Variants in ANXA8 observed in about 807,000 individuals in gnomAD.
ANXA8 encodes the protein annexin A8.
ANXA8 carries 9 observed loss-of-function variants against 26.8 expected under a neutral mutation model. The observed-to-expected ratio is 0.34, with a 90% CI of 0.20 to 0.59. The LOEUF is 0.59. ANXA8 is among the 20% of genes least tolerant of loss of function. The pLI, the probability that ANXA8 is intolerant of heterozygous loss-of-function variation, is 0.84. For synonymous variants in ANXA8, 39 were observed against 94.8 expected, an observed-to-expected ratio of 0.41 and a Z score of 3.42; for missense variants, 83 against 238.5, an observed-to-expected ratio of 0.35 and a Z score of 4.29.
At chr10:47,599,614 A>G in the ANXA8 span, 1 of 145,552 alleles carries the variant, frequency 6.9e-6, no homozygotes, top group Non-Finnish European at 1.5e-5. Context: ...CTTTCAAATT[A>G]AACAGTCAAA....
At chr10:47,696,139 G>A in the ANXA8 span, among the ~76,000 whole-genome samples, 40 of 151,916 alleles carry the variant, frequency 2.6e-4, no homozygotes, top group Non-Finnish European at 4.6e-4. Flanking sequence ...GTAAATAAAA[G>A]CTATTAAACC....
chr10:47,939,636 A>G, the ANXA8 span, among the ~76,000 whole-genome samples: 1 of 145,042 alleles, frequency 6.9e-6, no homozygotes, highest in South Asian at 2.2e-4. Context: ...GTGCAAGTCC[A>G]AAGCAAAATA....
At chr10:47,705,449 T>C in the ANXA8 span, among the ~76,000 whole-genome samples, 1 of 132,352 alleles carries the variant, frequency 7.6e-6, no homozygotes, top group Non-Finnish European at 1.6e-5. Flanking sequence ...TAACATGGTA[T>C]GCAAATGCTT....
At chr10:47,744,272 G>T in the ANXA8 span, among the ~76,000 whole-genome samples, 1 of 150,070 alleles carries the variant, frequency 6.7e-6, no homozygotes, top group East Asian at 2.0e-4. Flanking sequence ...GGTAATATGT[G>T]ATAATGACAG....
At chr10:47,591,601 GC>G in the ANXA8 span, among the ~76,000 whole-genome samples, 4,595 of 144,146 alleles carry the variant, frequency 0.032, 799 homozygotes, top group African/African-American at 0.12. Context: ...CCGCCACCAG[GC>G]CCGGCTAATT....
the ANXA8 span, among the ~76,000 whole-genome samples, chr10:47,585,609 C>T: frequency 6.8e-5 from 10 of 146,696 alleles, 1 homozygote; most frequent in South Asian, 6.5e-4. Context: ...AGGGAGGAAA[C>T]GGGACACAAG....
the ANXA8 span, among the ~76,000 whole-genome samples, chr10:47,957,060 C>T: frequency 6.6e-6 from 1 of 150,412 alleles, no homozygotes; most frequent in African/African-American, 2.5e-5. Flanking sequence ...ACCCAGTATC[C>T]TGGGCTGCAG....
chr10:47,705,863 G>A, the ANXA8 span, among the ~76,000 whole-genome samples: 7 of 151,260 alleles, frequency 4.6e-5, no homozygotes, highest in Non-Finnish European at 8.8e-5. Context: ...TTTTCTGGGG[G>A]CATCGCGGCG....
the ANXA8 span, chr10:47,491,785 C>G: frequency 7.0e-7 from 1 of 1,432,922 alleles, no homozygotes; most frequent in Non-Finnish European, 9.6e-7. Flanking sequence ...CTCACCCCAG[C>G]CCAGTAGGAG....
the ANXA8 span, chr10:47,581,187 A>T: frequency 2.9e-6 from 1 of 348,640 alleles, no homozygotes; most frequent in Non-Finnish European, 5.6e-6. Flanking sequence ...GGGTGATGGG[A>T]GGTCTGAACC....
At chr10:47,946,272 T>C in the ANXA8 span, among the ~76,000 whole-genome samples, 1 of 149,444 alleles carries the variant, frequency 6.7e-6, no homozygotes, top group Non-Finnish European at 1.5e-5. Context: ...CTTAGTTTCC[T>C]CCAATTTTTC....
the ANXA8 span, chr10:47,588,840 G>A: frequency 1.6e-5 from 2 of 124,528 alleles, no homozygotes; most frequent in Non-Finnish European, 3.2e-5. Flanking sequence ...TTTGAGACAG[G>A]GTCTCACTTC....
chr10:47,957,753 C>T, the ANXA8 span, among the ~76,000 whole-genome samples: 37,651 of 142,516 alleles, frequency 0.26, 2,128 homozygotes, highest in Non-Finnish European at 0.36. Context: ...TCCAGTAGCT[C>T]CAAGCTTGGC....
the ANXA8 span, among the ~76,000 whole-genome samples, chr10:47,733,207 T>TCTCTCTC: frequency 2.1e-4 from 19 of 89,970 alleles, no homozygotes; most frequent in Admixed American, 1.7e-3. Flanking sequence ...CTTTCTTTCT[T>TCTCTCTC]TCTTTCTTTC....
the ANXA8 span, among the ~76,000 whole-genome samples, chr10:47,899,838 A>AT: frequency 6.8e-6 from 1 of 147,956 alleles, no homozygotes; most frequent in African/African-American, 2.5e-5. Context: ...CATGTAATTA[A>AT]TTTTTGTCCT....
the ANXA8 span, among the ~76,000 whole-genome samples, chr10:47,632,204 TTATTA>T: frequency 6.6e-6 from 1 of 150,878 alleles, no homozygotes; most frequent in Non-Finnish European, 1.5e-5. Flanking sequence ...CTTTCTCAGG[TTATTA>T]TATCACCATA....
the ANXA8 span, among the ~76,000 whole-genome samples, chr10:47,645,063 A>ATTAAT: frequency 6.6e-6 from 1 of 151,754 alleles, no homozygotes; most frequent in South Asian, 2.1e-4. Flanking sequence ...TCTTAAAGAA[A>ATTAAT]TTAAACTCAT....
At chr10:47,619,327 C>T in the ANXA8 span, among the ~76,000 whole-genome samples, 1 of 113,146 alleles carries the variant, frequency 8.8e-6, no homozygotes, top group African/African-American at 3.4e-5. Context: ...ACATAAACTG[C>T]TATTAAACCC....
At chr10:47,939,607 T>C in the ANXA8 span, among the ~76,000 whole-genome samples, 1 of 145,654 alleles carries the variant, frequency 6.9e-6, no homozygotes, top group Non-Finnish European at 1.5e-5. Context: ...CTCCACGGCA[T>C]GTTCCACACA....
Sources: allele counts gnomAD v4.1 joint callset (sites outside exome capture counted in the v4.1 genomes callset), GRCh38; gene constraint gnomAD v4.1.1; transcripts MANE v1.5; gene names NCBI Gene and HGNC (gene_info 2026-07-23, HGNC 2026-07-21).